Variants in MYOM2 observed in about 807,000 individuals in gnomAD.
The protein encoded by MYOM2 is myomesin-2.
MYOM2 carries 254 observed loss-of-function variants against 187.6 expected under a neutral mutation model. The ratio of observed to expected loss-of-function variants is 1.35; its 90% confidence interval spans 1.22 to 1.50. The LOEUF is 1.50. Ranked by LOEUF, MYOM2 falls within the 40% of genes most tolerant of loss-of-function variation. MYOM2 has a pLI of 0.00. For synonymous variants in MYOM2, 981 were observed against 753.8 expected, an observed-to-expected ratio of 1.30 and a Z score of -4.94; for missense variants, 2,796 against 1,924.0, an observed-to-expected ratio of 1.45 and a Z score of -8.48.
intron 3 of MYOM2, among the ~76,000 whole-genome samples, chr8:2,054,154 T>A (rs187819715): frequency 7.9e-4 from 121 of 152,246 alleles, no homozygotes; most frequent in Non-Finnish European, 1.3e-3. Context: ...CCAACGTGGA[T>A]ATTAGTTTAG....
rs1818923518 is a variant in MYOM2, at chr8:2,063,747, C to A, written c.653+4502C>A. On this transcript the variant is annotated intron_variant, in intron 6 of 36. Transcript: ENST00000262113. The stretch of plus-strand genomic sequence containing the variant: ...CATGAGAATTGATATGGCACTTAAC[C>A]TTATGGCTGCCCATCTTTAAGACAG... Among the ~76,000 whole-genome samples the A allele has an allele frequency of 3.3e-5, 5 of 152,232 alleles. No homozygotes were observed. The South Asian group carries it at 1.0e-3, about 32-fold the overall frequency.
At chr8:2,083,581 A>C (rs993435933) in intron 13 of MYOM2, among the ~76,000 whole-genome samples, 1 of 152,140 alleles carries the variant, frequency 6.6e-6, no homozygotes, top group African/African-American at 2.4e-5. Context: ...GCAGTATCTT[A>C]CATGTGCCTA....
chr8:2,116,714 G>C (rs1367877227), intron 27 of MYOM2, among the ~76,000 whole-genome samples: 1 of 152,126 alleles, frequency 6.6e-6, no homozygotes, highest in Non-Finnish European at 1.5e-5. Flanking sequence ...AAGGAAAATG[G>C]ATACACTTTA....
At chr8:2,106,178 C>T in intron 21 of MYOM2, 64 bp from the exon 22 acceptor site, 1 of 1,536,516 alleles carries the variant, frequency 6.5e-7, no homozygotes, top group Non-Finnish European at 8.9e-7. Flanking sequence ...ATCACCCTCT[C>T]CCAAAAGAGA....
intron 16 of MYOM2, among the ~76,000 whole-genome samples, chr8:2,093,466 G>T (rs183289492): frequency 6.6e-6 from 1 of 152,282 alleles, no homozygotes; most frequent in African/African-American, 2.4e-5. Flanking sequence ...GTGCTGTGGG[G>T]TGGGAATTAT....
At chr8:2,131,368 G>A (rs1797860119) in intron 32 of MYOM2, among the ~76,000 whole-genome samples, 1 of 152,058 alleles carries the variant, frequency 6.6e-6, no homozygotes, top group African/African-American at 2.4e-5. Flanking sequence ...AAGTGAAAGA[G>A]CAGGGATTTG....
At chr8:2,045,414 G>T (rs1169421791) in intron 1 of MYOM2, among the ~76,000 whole-genome samples, 1 of 152,212 alleles carries the variant, frequency 6.6e-6, no homozygotes, top group Non-Finnish European at 1.5e-5. Context: ...GCTAAGTGCC[G>T]TTTAGCACCC....
At chr8:2,084,569 T>A (rs530945012) in intron 13 of MYOM2, among the ~76,000 whole-genome samples, 4 of 152,196 alleles carry the variant, frequency 2.6e-5, no homozygotes, top group Non-Finnish European at 5.9e-5. Context: ...CTCCTATAAA[T>A]TCAAACAGAA....
chr8:2,098,899 G>A lies in MYOM2; in HGVS notation c.2356G>A (p.Ala786Thr), dbSNP rs79360172. ...AGGCTCACTCTACGAGTTCAAAATC[G>A]CCGCCGTCAACCTGGCCGGCATCGG... ...TEGSLYEFKI[A>T]AVNLAGIGEP... Residue 786 changes from alanine (A) to threonine (T), a missense_variant, in exon 19 of 37, where the codon GCC (alanine) becomes ACC (threonine). Physicochemically the swap from Ala to Thr is moderately conservative, Grantham distance 58. Transcript: ENST00000262113. 1.2e-3 allele frequency: 1,873 copies of A among 1,613,002 alleles called. 17 individuals are homozygous for A. In the African/African-American group the frequency reaches 0.022, roughly 19 times the overall value.
At chr8:2,068,013 G>A (rs1418771791) in intron 6 of MYOM2, among the ~76,000 whole-genome samples, 4 of 152,144 alleles carry the variant, frequency 2.6e-5, no homozygotes, top group African/African-American at 9.7e-5. Flanking sequence ...TGTACGCCAG[G>A]TACAAGCTGT....
chr8:2,073,001 C>T (rs537799968), intron 9 of MYOM2, among the ~76,000 whole-genome samples: 75 of 152,278 alleles, frequency 4.9e-4, no homozygotes, highest in South Asian at 1.2e-3. Context: ...CCCCCACGGG[C>T]GGGGGGAAGC....
intron 14 of MYOM2, among the ~76,000 whole-genome samples, chr8:2,086,386 CTCCCACTGTTGTGATCTCTGCGTGG>C (rs1796056829): frequency 8.9e-6 from 1 of 112,808 alleles, no homozygotes; most frequent in Non-Finnish European, 1.8e-5. Context: ...TCTGCGTGGC[CTCCCACTGTTGTGATCTCTGCGTGG>C]CCTCCCACTG....
In MYOM2 at chr8:2,078,758, G is replaced by C. The variant is rs1304334962; in HGVS notation, c.1287G>C (p.Trp429Cys). The C allele has an allele frequency of 1.2e-6, 2 of 1,613,962 alleles. No homozygotes were observed. The highest frequency in any genetic ancestry group is 2.7e-5 in the African/African-American group (2 of 74,878). The stretch of plus-strand genomic sequence containing the variant: ...GATGTGAAGTAGGAACGAATAATTG[G>C]GTGCAGTGCAATGATGCACCGGTGA... Reference protein sequence around the residue: ...VDRCEVGTNNWVQCNDAPVKI... With the variant: ...VDRCEVGTNNCVQCNDAPVKI... Residue 429 changes from tryptophan (W) to cysteine (C), a missense_variant, in exon 12 of 37, where the codon TGG becomes TGC. Trp to Cys is a radical substitution (Grantham distance 215). Transcript: ENST00000262113.
At chr8:2,120,152 T>C (rs965276507) in intron 28 of MYOM2, among the ~76,000 whole-genome samples, 13 of 152,116 alleles carry the variant, frequency 8.5e-5, no homozygotes, top group African/African-American at 2.9e-4. Flanking sequence ...TTTTTCCAGA[T>C]GTGGCCAGTG....
chr8:2,115,340 C>G (rs889902214), intron 25 of MYOM2, among the ~76,000 whole-genome samples: 9 of 152,194 alleles, frequency 5.9e-5, no homozygotes, highest in Admixed American at 1.3e-4. Context: ...AACACTTGTT[C>G]TTTGACTTGT....
intron 32 of MYOM2, among the ~76,000 whole-genome samples, chr8:2,138,952 C>T (rs1480529606): frequency 1.3e-5 from 2 of 148,252 alleles, no homozygotes; most frequent in South Asian, 2.1e-4. Context: ...GACTCAGTTC[C>T]GACACACACT....
At chr8:2,144,457 C>T (rs1376491419) in intron 36 of MYOM2, among the ~76,000 whole-genome samples, 2 of 152,152 alleles carry the variant, frequency 1.3e-5, no homozygotes, top group African/African-American at 4.8e-5. Context: ...TTTACGAGCT[C>T]GCCTGTGAAG....
At chr8:2,069,215 A>G (rs549583571) in intron 6 of MYOM2, 63 bp from the exon 7 acceptor site, 76 of 1,508,256 alleles carry the variant, frequency 5.0e-5, no homozygotes, top group African/African-American at 6.9e-5. Flanking sequence ...CTTTTGTGCA[A>G]TTCGGGTCAC....
Position 2,096,441 on chromosome 8 carries a change from T to C in MYOM2, c.2313+7T>C. ...CAAACCGACAATCCTAACGGTCAGT[T>C]GGTTTTTATTCCTTCGTCTATTTTT... is the stretch of plus-strand genomic sequence containing the variant. On this transcript the variant is annotated splice_region_variant and intron_variant, in intron 18 of 36. Transcript: ENST00000262113. 1 of 1,613,272 alleles carries C rather than the reference T, an allele frequency of 6.2e-7. No individual in the cohort carries two copies. The highest frequency in any genetic ancestry group is 8.5e-7 in the Non-Finnish European group (1 of 1,179,560).
Sources: gnomAD v4.1 joint callset for allele counts (sites outside exome capture counted in the v4.1 genomes callset) on GRCh38, gnomAD v4.1.1 for gene constraint, MANE v1.5 for transcripts, NCBI Gene and HGNC (gene_info 2026-07-23, HGNC 2026-07-21) for gene names.